GRIA1: variants seen among roughly 807,000 people sequenced by gnomAD.
GRIA1 encodes glutamate ionotropic receptor AMPA type subunit 1.
Under a neutral mutation model 99.2 loss-of-function variants are expected in GRIA1, and 31 were observed. The ratio of observed to expected loss-of-function variants is 0.31; its 90% CI spans 0.23 to 0.42. The LOEUF (loss-of-function observed/expected upper bound fraction) is 0.42, where lower values mean the gene tolerates loss of function less well. Among genes scored for constraint, GRIA1 ranks in the 10% least tolerant of loss-of-function variants. The pLI, the probability that GRIA1 is intolerant of heterozygous loss-of-function variation, is 1.00. For missense variants in GRIA1, 782 were observed against 1,157.5 expected (o/e 0.68, Z 4.71); for synonymous variants, 438 against 432.4 (o/e 1.01, Z -0.16).
intron 2 of GRIA1, among the ~76,000 whole-genome samples, chr5:153,497,921 A>G (rs1754602344): frequency 6.6e-6 from 1 of 152,206 alleles, no homozygotes; most frequent in Non-Finnish European, 1.5e-5. Context: ...TGTATGGAGT[A>G]TTGAAGATTC....
At chr5:153,750,730 C>T (rs1246666858) in intron 11 of GRIA1, among the ~76,000 whole-genome samples, 1 of 152,170 alleles carries the variant, frequency 6.6e-6, no homozygotes, top group Admixed American at 6.5e-5. Flanking sequence ...TTGCTACCTG[C>T]TTTATTAGTA....
intron 12 of GRIA1, among the ~76,000 whole-genome samples, chr5:153,768,547 G>A (rs544822930): frequency 3.3e-5 from 5 of 152,188 alleles, no homozygotes; most frequent in South Asian, 2.1e-4. Flanking sequence ...TAAAACTGAA[G>A]TTTTAATAGC....
intron 10 of GRIA1, among the ~76,000 whole-genome samples, chr5:153,704,649 C>A (rs1195118315): frequency 6.6e-6 from 1 of 152,216 alleles, no homozygotes; most frequent in Non-Finnish European, 1.5e-5. Flanking sequence ...TCATCACAGG[C>A]TATTATTCCC....
chr5:153,645,021 T>C (rs2963954), intron 2 of GRIA1, among the ~76,000 whole-genome samples: 84,196 of 151,656 alleles, frequency 0.56, 24,060 homozygotes, highest in Non-Finnish European at 0.6. Context: ...AGTGGATTTG[T>C]ACAAGGAGAA....
rs572947023 is a variant in GRIA1 at position 153,653,879 on chromosome 5, G to A, written c.646-1940G>A. Among the ~76,000 whole-genome samples, 9 of 152,292 alleles carry A rather than the reference G, an allele frequency of 5.9e-5. No individual in the cohort carries two copies. The East Asian group carries it at 7.7e-4, about 13-fold the overall frequency. On this transcript the variant is annotated intron_variant, in intron 4 of 15. Coordinates refer to ENST00000285900, the MANE Select transcript of GRIA1 (RefSeq NM_000827.4). ...ACAGAGGAGTTGAGATTGGAGCTCA[G>A]CCATTAAGGATACGAACAATCAGAG...
At chr5:153,737,839 T>C (rs972341538) in intron 11 of GRIA1, among the ~76,000 whole-genome samples, 8 of 152,144 alleles carry the variant, frequency 5.3e-5, no homozygotes, top group Non-Finnish European at 8.8e-5. Flanking sequence ...ATGCAGCTGC[T>C]CCCCAGTCAA....
At chr5:153,686,867 T>C (rs1156660707) in intron 8 of GRIA1, among the ~76,000 whole-genome samples, 1 of 152,226 alleles carries the variant, frequency 6.6e-6, no homozygotes, top group Non-Finnish European at 1.5e-5. Context: ...TTTCGAATTC[T>C]ACCAGAACCT....
chr5:153,683,072 A>T (rs1039975855), intron 7 of GRIA1, among the ~76,000 whole-genome samples: 4 of 152,220 alleles, frequency 2.6e-5, no homozygotes, highest in African/African-American at 9.6e-5. Context: ...CCTGGGCTCC[A>T]TCAATCTGAC....
intron 14 of GRIA1, among the ~76,000 whole-genome samples, chr5:153,799,081 A>ACC (rs35942304): frequency 3.3e-5 from 5 of 149,916 alleles, no homozygotes; most frequent in African/African-American, 1.2e-4. Context: ...TGACTTTTCC[A>ACC]CCCCCCCCTG....
At chr5:153,710,006 A>G (rs1561789861) in intron 11 of GRIA1, among the ~76,000 whole-genome samples, 1 of 152,314 alleles carries the variant, frequency 6.6e-6, no homozygotes, top group South Asian at 2.1e-4. Flanking sequence ...AGCACAGTCA[A>G]TGGTGTATGC....
chr5:153,739,656 C>A (rs1458785189), intron 11 of GRIA1, among the ~76,000 whole-genome samples: 2 of 152,162 alleles, frequency 1.3e-5, no homozygotes, highest in Non-Finnish European at 2.9e-5. Flanking sequence ...TCCACTCAGC[C>A]CCTGAAGACC....
chr5:153,551,732 C>G (rs1760162288), intron 2 of GRIA1, among the ~76,000 whole-genome samples: 1 of 152,058 alleles, frequency 6.6e-6, no homozygotes, highest in Non-Finnish European at 1.5e-5. Flanking sequence ...CTTTCATAGC[C>G]CATCCTCCTC....
At chr5:153,719,507 G>T (rs985428853) in intron 11 of GRIA1, among the ~76,000 whole-genome samples, 1 of 151,958 alleles carries the variant, frequency 6.6e-6, no homozygotes, top group Non-Finnish European at 1.5e-5. Context: ...GGCAGCCGAG[G>T]CTTTTGGCCT....
chr5:153,788,534 C>G (rs1320365547), intron 13 of GRIA1, among the ~76,000 whole-genome samples: 1 of 152,218 alleles, frequency 6.6e-6, no homozygotes, highest in African/African-American at 2.4e-5. Context: ...AATGTGATCT[C>G]TTATCACCCA....
intron 2 of GRIA1, among the ~76,000 whole-genome samples, chr5:153,627,492 G>C (rs980437438): frequency 2.0e-5 from 3 of 152,060 alleles, no homozygotes; most frequent in Non-Finnish European, 4.4e-5. Context: ...CCCCTCACTT[G>C]AAAAATAATC....
chr5:153,756,266 C>A lies in GRIA1; in HGVS notation c.1824-8168C>A, dbSNP rs1224748436. Among the ~76,000 whole-genome samples, 7 of 152,160 alleles carry A rather than the reference C, an allele frequency of 4.6e-5. 1 individual carries two copies. The highest frequency in any genetic ancestry group is 1.7e-4 in the African/African-American group (7 of 41,530). On this transcript the variant is annotated intron_variant, in intron 11 of 15. Coordinates refer to ENST00000285900, the MANE Select transcript of GRIA1 (RefSeq NM_000827.4). ...AGAGGGGGCCCAGTCTCAGCTTTCA[C>A]CCCTCTTGCTACAGTTGGGAAACTC...
In GRIA1 at chr5:153,802,394, C is replaced by A. The variant is rs766755909; in HGVS notation, c.2424C>A (p.Gly808=). The part of the protein sequence containing the change: ...TSALSLSNVA[G]VFYILIGGLG... Reference sequence around the variant, plus strand: ...CTCTGAGCCTCAGCAATGTGGCAGGCGTGTTCTACATCCTGATCGGAGGAC... The same window carrying A: ...CTCTGAGCCTCAGCAATGTGGCAGGAGTGTTCTACATCCTGATCGGAGGAC... The change falls in exon 15 of 16, where the codon GGC becomes GGA. Residue 808 remains glycine (G), a synonymous_variant. Transcript: ENST00000285900. 5.0e-6 allele frequency: 8 copies of A among 1,613,380 alleles called. No individual in the cohort carries two copies. Among genetic ancestry groups the A allele is most frequent in the Non-Finnish European group, 6.8e-6 (8 of 1,179,500 alleles).
intron 2 of GRIA1, among the ~76,000 whole-genome samples, chr5:153,537,950 G>T (rs1346057594): frequency 2.6e-5 from 4 of 152,196 alleles, no homozygotes; most frequent in Admixed American, 2.0e-4. Context: ...AAAGTTCAAA[G>T]TGTCACCTAG....
intron 2 of GRIA1, among the ~76,000 whole-genome samples, chr5:153,603,044 G>T (rs1433494754): frequency 6.6e-6 from 1 of 152,012 alleles, no homozygotes. Flanking sequence ...TTAGCATTAG[G>T]TATATCTCCT....
Sources: gnomAD v4.1 joint callset for allele counts (sites outside exome capture counted in the v4.1 genomes callset) on GRCh38, gnomAD v4.1.1 for gene constraint, MANE v1.5 for transcripts, NCBI Gene and HGNC (gene_info 2026-07-23, HGNC 2026-07-21) for gene names.